The following MCHR2 variants were observed in gnomAD, a reference collection of about 807,000 sequenced individuals.
The protein encoded by MCHR2 is melanin-concentrating hormone receptor 2.
In MCHR2, 15 loss-of-function variants were observed where a neutral mutation model predicts 24.8. The observed-to-expected ratio is 0.60, with a 90% CI of 0.40 to 0.93. The LOEUF is 0.93. Ranked by LOEUF, MCHR2 falls within the 40% of genes least tolerant of loss-of-function variation. The pLI is 0.00. For synonymous variants in MCHR2, 151 were observed against 147.6 expected, an observed-to-expected ratio of 1.02 and a Z score of -0.17; for missense variants, 386 against 408.7, an observed-to-expected ratio of 0.94 and a Z score of 0.48.
chr6:99,921,233 G>A lies in MCHR2; in HGVS notation c.730C>T (p.Gln244Ter). 1.2e-6 allele frequency: 2 copies of A among 1,613,536 alleles called. No homozygotes were observed. The highest frequency in any genetic ancestry group is 8.5e-7 in the Non-Finnish European group (1 of 1,179,706). Residue 244 changes from glutamine (Q) to a stop codon, truncating the protein, a stop_gained, in exon 6 of 6, where the codon CAG becomes TAG. Coordinates refer to ENST00000281806, the MANE Select transcript of MCHR2 (RefSeq NM_001040179.2). LOFTEE classifies it low-confidence loss of function (END_TRUNC). ...ATCTTTGTCAACTTCATCACTCTCT[G>A]TTTTGGTACACTGGGATTGCAGCTG... Reference protein sequence around the residue: ...ARCCNPSVPKQRVMKLTKMVL... With the variant: ...ARCCNPSVPK
At chr6:99,953,732 T>C (rs79159808) in intron 2 of MCHR2, among the ~76,000 whole-genome samples, 3,536 of 152,092 alleles carry the variant, frequency 0.023, 151 homozygotes, top group African/African-American at 0.081. Context: ...ATGCAGGGCA[T>C]GCAATAGGTA....
rs1010832977 is a variant in MCHR2 at position 99,934,455 on chromosome 6, T to C, written c.650A>G (p.Tyr217Cys). The C allele has an allele frequency of 1.9e-6, 3 of 1,606,406 alleles. No homozygotes were observed. The highest frequency in any genetic ancestry group is 1.7e-6 in the Non-Finnish European group (2 of 1,176,858). Residue 217 changes from tyrosine (Y) to cysteine (C), a missense_variant, in exon 5 of 6, where the codon TAT (tyrosine) becomes TGT (cysteine). Transcript: ENST00000281806. ...FFPLPLILVC[Y>C]ILILCYTWEM... is the part of the protein sequence containing the mutation. ...CCAAGTATAGCATAAAATTAAAATA[T>C]AGCACACCAAAATCAAGGGTAGAGG...
intron 3 of MCHR2, among the ~76,000 whole-genome samples, chr6:99,945,174 T>C (rs1402158633): frequency 6.6e-6 from 1 of 152,184 alleles, no homozygotes; most frequent in Non-Finnish European, 1.5e-5. Context: ...ACCACTAGAA[T>C]GAAAGCCCCA....
At chr6:99,938,094 T>G (rs1774699944) in intron 4 of MCHR2, among the ~76,000 whole-genome samples, 1 of 151,964 alleles carries the variant, frequency 6.6e-6, no homozygotes, top group East Asian at 1.9e-4. Flanking sequence ...AACTTCTCTG[T>G]TTTTCTTAGT....
At chr6:99,983,171 ATGT>A (rs1412676197) in intron 1 of MCHR2, among the ~76,000 whole-genome samples, 1 of 151,400 alleles carries the variant, frequency 6.6e-6, no homozygotes, top group Non-Finnish European at 1.5e-5. Context: ...GGGTTTTACC[ATGT>A]TGTCCAGGTT....
At chr6:99,978,420 GTTTTTTTTT>G (rs3996890) in intron 1 of MCHR2, among the ~76,000 whole-genome samples, 1 of 104,194 alleles carries the variant, frequency 9.6e-6, no homozygotes, top group Admixed American at 1.3e-4. Context: ...GGTCAAGACA[GTTTTTTTTT>G]TTTTTTTTTT....
At chr6:99,951,544 A>G (rs968912470) in intron 2 of MCHR2, among the ~76,000 whole-genome samples, 1 of 152,134 alleles carries the variant, frequency 6.6e-6, no homozygotes. Context: ...CAACTTCCTT[A>G]GATTCCCAAG....
rs1304395695 is a variant in MCHR2, at chr6:99,918,711, T to A, written c.*2229A>T. ...ATAGAAAACACACAAAGAATCTCTATCAAATCACCTCTGTAAATCTGCATA... is the reference window on the plus strand; with the variant it reads ...ATAGAAAACACACAAAGAATCTCTAACAAATCACCTCTGTAAATCTGCATA... On this transcript the variant is annotated 3_prime_UTR_variant, in exon 6 of 6. Coordinates refer to ENST00000281806, the MANE Select transcript of MCHR2 (RefSeq NM_001040179.2). Among the ~76,000 whole-genome samples the A allele has an allele frequency of 6.6e-6, 1 of 152,188 alleles. No homozygotes were observed. The highest frequency in any genetic ancestry group is 1.5e-5 in the Non-Finnish European group (1 of 68,022).
rs1369759821 is a variant in MCHR2, at chr6:99,969,493, GA to G, written c.-27-13320del. Reference sequence around the variant, plus strand: ...CATCTCAAAAAAAAAAAAAAAAAAAGAAAAGAAAACTCAAGAGAAGGAAGCC... The same window carrying G: ...CATCTCAAAAAAAAAAAAAAAAAAAGAAAGAAAACTCAAGAGAAGGAAGCC... On this transcript the variant is annotated intron_variant, in intron 1 of 5. Transcript: ENST00000281806. 1.6e-4 allele frequency among the ~76,000 whole-genome samples: 11 copies of G among 69,178 alleles called. No homozygotes were observed. In the East Asian group the frequency reaches 8.7e-3, roughly 55 times the overall value. 45.4% of individuals were successfully genotyped at this position (69,178 alleles called of 152,430 possible).
At chr6:99,972,781 C>G (rs1009390814) in intron 1 of MCHR2, among the ~76,000 whole-genome samples, 2 of 152,120 alleles carry the variant, frequency 1.3e-5, no homozygotes, top group Non-Finnish European at 2.9e-5. Context: ...TCGTTGGTTT[C>G]AAAGAGCATC....
At chr6:99,991,966 C>T (rs1775890904) in intron 1 of MCHR2, among the ~76,000 whole-genome samples, 1 of 152,186 alleles carries the variant, frequency 6.6e-6, no homozygotes, top group South Asian at 2.1e-4. Flanking sequence ...ATTTCCCCAC[C>T]TGTATATATT....
chr6:99,992,536 G>A lies in MCHR2; in HGVS notation c.-28+1400C>T, dbSNP rs74687508. On this transcript the variant is annotated intron_variant, in intron 1 of 5. Transcript: ENST00000281806. ...GGTTCTCTCACAGCATCTTGGACCC[G>A]TAGGATTGTTCCTGGCTCCTCTTTA... Among the ~76,000 whole-genome samples the A allele has an allele frequency of 2.4e-3, 359 of 152,302 alleles. 2 individuals are homozygous for A. Among genetic ancestry groups the A allele is most frequent in the African/African-American group, 8.1e-3 (338 of 41,554 alleles).
chr6:99,936,612 G>A (rs1266790538), intron 4 of MCHR2, among the ~76,000 whole-genome samples: 1 of 151,976 alleles, frequency 6.6e-6, no homozygotes, highest in Non-Finnish European at 1.5e-5. Flanking sequence ...AAATTTTGAA[G>A]TCGGGTAGCA....
intron 1 of MCHR2, among the ~76,000 whole-genome samples, chr6:99,969,498 G>C (rs965953572): frequency 2.4e-5 from 3 of 126,106 alleles, no homozygotes; most frequent in Non-Finnish European, 5.2e-5. Flanking sequence ...AAAAAGAAAA[G>C]AAAACTCAAG....
intron 2 of MCHR2, among the ~76,000 whole-genome samples, chr6:99,950,040 C>T (rs1774938766): frequency 6.6e-6 from 1 of 152,028 alleles, no homozygotes; most frequent in South Asian, 2.1e-4. Flanking sequence ...ATGGCCCTTG[C>T]TTTTCTCTAG....
chr6:99,948,545 C>T (rs1293651199), intron 2 of MCHR2, among the ~76,000 whole-genome samples: 2 of 152,148 alleles, frequency 1.3e-5, no homozygotes, highest in Non-Finnish European at 2.9e-5. Flanking sequence ...GACAGCTTGA[C>T]AGCAACTTTA....
chr6:99,936,391 T>C (rs34684080), intron 4 of MCHR2, among the ~76,000 whole-genome samples: 25,325 of 151,846 alleles, frequency 0.17, 2,265 homozygotes, highest in African/African-American at 0.19. Context: ...GTGAGAGGTA[T>C]GGGTCTAGTT....
chr6:99,928,656 TTG>T (rs1310463382), intron 5 of MCHR2, among the ~76,000 whole-genome samples: 2 of 152,206 alleles, frequency 1.3e-5, no homozygotes, highest in Non-Finnish European at 2.9e-5. Context: ...TGATGGTAGT[TTG>T]TATTTCTGTG....
chr6:99,949,265 A>T (rs2114531545), intron 2 of MCHR2, among the ~76,000 whole-genome samples: 1 of 152,312 alleles, frequency 6.6e-6, no homozygotes, highest in South Asian at 2.1e-4. Flanking sequence ...CTAGACATGC[A>T]TAAATAAATG....
Sources: gnomAD v4.1 joint callset for allele counts (sites outside exome capture counted in the v4.1 genomes callset) on GRCh38, gnomAD v4.1.1 for gene constraint, MANE v1.5 for transcripts, NCBI Gene and HGNC (gene_info 2026-07-23, HGNC 2026-07-21) for gene names.